Variants in NTRK3 observed in about 807,000 individuals in gnomAD.
NTRK3 encodes neurotrophic receptor tyrosine kinase 3.
Under a neutral mutation model 91.7 loss-of-function variants are expected in NTRK3, and 24 were observed. The observed-to-expected ratio is 0.26, with a 90% CI of 0.19 to 0.37. The LOEUF (loss-of-function observed/expected upper bound fraction) is 0.37. Ranked by LOEUF, NTRK3 falls within the 10% of genes least tolerant of loss-of-function variation. NTRK3 has a pLI of 1.00. For missense variants in NTRK3, 880 were observed against 1,068.9 expected (o/e 0.82, Z 2.46); for synonymous variants, 483 against 404.0 (o/e 1.20, Z -2.34).
chr15:88,008,929 C>G (rs1005576619), intron 14 of NTRK3, among the ~76,000 whole-genome samples: 2 of 152,182 alleles, frequency 1.3e-5, no homozygotes, highest in African/African-American at 4.8e-5. Context: ...CAGACCAGCC[C>G]CCCTCGGGCC....
intron 17 of NTRK3, among the ~76,000 whole-genome samples, chr15:87,924,302 T>C (rs904660960): frequency 2.0e-5 from 3 of 152,148 alleles, no homozygotes; most frequent in African/African-American, 7.2e-5. Flanking sequence ...TAAAATCAAA[T>C]ATTCTTCCAG....
intron 3 of NTRK3, among the ~76,000 whole-genome samples, chr15:88,198,888 G>C (rs1472947344): frequency 1.3e-5 from 2 of 152,166 alleles, no homozygotes; most frequent in African/African-American, 4.8e-5. Flanking sequence ...ACACTCCTCA[G>C]AGTCTCATCC....
At chr15:87,939,579 G>A (rs920069) in intron 15 of NTRK3, among the ~76,000 whole-genome samples, 41,329 of 152,028 alleles carry the variant, frequency 0.27, 5,822 homozygotes, top group Non-Finnish European at 0.31. Flanking sequence ...CCCAAAAGTT[G>A]AAGAAACAGG....
chr15:88,097,837 T>C (rs2049780146), intron 13 of NTRK3, among the ~76,000 whole-genome samples: 1 of 152,184 alleles, frequency 6.6e-6, no homozygotes, highest in African/African-American at 2.4e-5. Flanking sequence ...GAAGGAAAGG[T>C]GCCAAGATGT....
chr15:87,938,524 T>C lies in NTRK3; in HGVS notation c.1716+2099A>G, dbSNP rs75801647. ...CGTGTAAAATCCCAGACGGTTCATC[T>C]CCTCCAGATCCAAGGAAAGAAGGAA... On this transcript the variant is annotated intron_variant, in intron 15 of 18. Transcript: ENST00000394480. 3.1e-4 allele frequency among the ~76,000 whole-genome samples: 47 copies of C among 152,142 alleles called. 1 individual carries two copies. In the East Asian group the frequency reaches 9.1e-3, roughly 29 times the overall value.
intron 14 of NTRK3, among the ~76,000 whole-genome samples, chr15:87,964,776 TTCTC>T (rs2072638816): frequency 6.6e-6 from 1 of 152,216 alleles, no homozygotes; most frequent in South Asian, 2.1e-4. Context: ...CTTAGCATGT[TTCTC>T]TGAGATTCAT....
At chr15:87,886,051 A>C (rs992329783) in intron 17 of NTRK3, among the ~76,000 whole-genome samples, 2 of 152,092 alleles carry the variant, frequency 1.3e-5, no homozygotes, top group Non-Finnish European at 2.9e-5. Flanking sequence ...GGGTAAGAAC[A>C]GATGATCCAC....
intron 15 of NTRK3, among the ~76,000 whole-genome samples, chr15:87,936,818 A>G (rs1007650266): frequency 3.9e-5 from 6 of 152,112 alleles, no homozygotes; most frequent in Non-Finnish European, 8.8e-5. Context: ...ATGGGTAGTT[A>G]TTACATACAG....
intron 5 of NTRK3, among the ~76,000 whole-genome samples, chr15:88,161,778 G>C (rs2044476700): frequency 6.6e-6 from 1 of 152,168 alleles, no homozygotes; most frequent in Non-Finnish European, 1.5e-5. Flanking sequence ...GATTTGGGCA[G>C]GAGATCCCAG....
chr15:88,157,243 CACACT>C (rs1199888706), intron 5 of NTRK3, among the ~76,000 whole-genome samples: 1 of 151,856 alleles, frequency 6.6e-6, no homozygotes, highest in Non-Finnish European at 1.5e-5. Flanking sequence ...ACACACACAC[CACACT>C]ACACACCATA....
intron 14 of NTRK3, among the ~76,000 whole-genome samples, chr15:87,963,473 G>C (rs1350178715): frequency 6.6e-6 from 1 of 152,148 alleles, no homozygotes; most frequent in Non-Finnish European, 1.5e-5. Context: ...CTGAACGATG[G>C]TTCGACTTGG....
At chr15:88,186,351 C>T (rs933695426) in intron 3 of NTRK3, among the ~76,000 whole-genome samples, 2 of 152,204 alleles carry the variant, frequency 1.3e-5, no homozygotes, top group African/African-American at 4.8e-5. Flanking sequence ...TCTCAGCCCT[C>T]ATGTCCTTAT....
At chr15:87,958,138 T>C (rs934714630) in intron 14 of NTRK3, among the ~76,000 whole-genome samples, 3 of 152,172 alleles carry the variant, frequency 2.0e-5, no homozygotes, top group African/African-American at 7.2e-5. Context: ...TTCCACAAAT[T>C]AGTGATTTCA....
chr15:88,197,850 C>T (rs2047964517), intron 3 of NTRK3, among the ~76,000 whole-genome samples: 1 of 152,266 alleles, frequency 6.6e-6, no homozygotes, highest in Non-Finnish European at 1.5e-5. Context: ...TGGTTCTTCC[C>T]TGTACTATTT....
intron 16 of NTRK3, among the ~76,000 whole-genome samples, chr15:87,929,904 A>G (rs2068642442): frequency 6.6e-6 from 1 of 152,184 alleles, no homozygotes; most frequent in South Asian, 2.1e-4. Context: ...GAGGTCCAGA[A>G]TGGCCATATG....
At chr15:88,151,315 A>G (rs1251361540) in intron 5 of NTRK3, among the ~76,000 whole-genome samples, 1 of 152,120 alleles carries the variant, frequency 6.6e-6, no homozygotes, top group African/African-American at 2.4e-5. Flanking sequence ...GTAGTAAACA[A>G]TGATGATGTG....
chr15:88,173,090 T>C (rs940391906), intron 5 of NTRK3, among the ~76,000 whole-genome samples: 3 of 152,106 alleles, frequency 2.0e-5, no homozygotes, highest in African/African-American at 7.2e-5. Context: ...TGGAGTTCAA[T>C]AAAAGCAGGA....
chr15:88,207,544 G>T (rs191887482), intron 3 of NTRK3, among the ~76,000 whole-genome samples: 1 of 152,348 alleles, frequency 6.6e-6, no homozygotes. Context: ...CAGTCACAGA[G>T]ACTCAGGTGG....
chr15:88,197,383 T>C (rs1237729516), intron 3 of NTRK3, among the ~76,000 whole-genome samples: 1 of 152,198 alleles, frequency 6.6e-6, no homozygotes, highest in Non-Finnish European at 1.5e-5. Flanking sequence ...TTTCATTCTT[T>C]GAGTGCTAAC....
Sources: gnomAD v4.1 joint callset for allele counts (sites outside exome capture counted in the v4.1 genomes callset) on GRCh38, gnomAD v4.1.1 for gene constraint, MANE v1.5 for transcripts, NCBI Gene and HGNC (gene_info 2026-07-23, HGNC 2026-07-21) for gene names.